CRYBG3: variants seen among roughly 807,000 people sequenced by gnomAD.
The protein encoded by CRYBG3 is crystallin beta-gamma domain containing 3.
CRYBG3 carries 127 observed loss-of-function variants against 244.2 expected under a neutral mutation model. That is an observed-to-expected ratio of 0.52 (90% confidence interval 0.45 to 0.60). CRYBG3 has a LOEUF of 0.60. Among genes scored for constraint, CRYBG3 ranks in the 20% least tolerant of loss-of-function variants. CRYBG3 has a pLI of 0.00. For missense variants in CRYBG3, 3,325 were observed against 3,442.5 expected, an observed-to-expected ratio of 0.97 and a Z score of 0.85; for synonymous variants, 1,132 against 1,195.8, an observed-to-expected ratio of 0.95 and a Z score of 1.10.
chr3:97,839,389 AT>A (rs1024952333), intron 1 of CRYBG3, among the ~76,000 whole-genome samples: 19 of 152,160 alleles, frequency 1.2e-4, no homozygotes, highest in Admixed American at 7.9e-4. Context: ...CTGTGTTCTC[AT>A]TTTTTAATGT....
At chr3:97,841,359 C>A (rs1326491923) in intron 1 of CRYBG3, among the ~76,000 whole-genome samples, 1 of 150,312 alleles carries the variant, frequency 6.7e-6, no homozygotes, top group African/African-American at 2.5e-5. Flanking sequence ...TATGTATATT[C>A]TTTTTCTGTT....
At chr3:97,857,843 TACTC>T (rs1301099416) in intron 2 of CRYBG3, among the ~76,000 whole-genome samples, 28 of 152,250 alleles carry the variant, frequency 1.8e-4, no homozygotes, top group African/African-American at 5.8e-4. Context: ...AATAAGGACT[TACTC>T]TTGTCATTTT....
rs1040300556 is a variant in CRYBG3, at chr3:97,856,783, T to C, written c.217-7434T>C. On this transcript the variant is annotated intron_variant, in intron 2 of 21. Transcript: ENST00000389622. ...CATGTCTCCTTTTTCAATTCTGATT[T>C]TACTTGGGTCTTTTCTTTTTTCTTA... Among the ~76,000 whole-genome samples the C allele has an allele frequency of 2.0e-5, 3 of 152,238 alleles. No individual in the cohort carries two copies. The East Asian group carries it at 5.8e-4, about 29-fold the overall frequency.
intron 2 of CRYBG3, among the ~76,000 whole-genome samples, chr3:97,862,775 A>T (rs2039169264): frequency 7.5e-5 from 3 of 40,022 alleles, no homozygotes; most frequent in African/African-American, 6.4e-4. Context: ...CAGTGTCTCT[A>T]GAATCTGGCT....
rs765635108 is a variant in CRYBG3, at chr3:97,877,808, C to T, written c.6614C>T (p.Thr2205Ile). ...TATGTGATGCCAAATGAACCTACTA[C>T]CTCCAATCTGCAAGTTGGTCTGTGG... ...NSYVMPNEPT[T>I]SNLQVGLWPE... is the part of the protein sequence containing the mutation. Residue 2205 changes from threonine to isoleucine, a missense_variant, in exon 4 of 22, where the codon ACC becomes ATC. By Grantham distance (89) the Thr-to-Ile change is moderately conservative. Around this residue, in one of 4 missense-constraint regions of CRYBG3, gnomAD observed 450 missense variants for 424.1 expected, o/e 1.06. Coordinates refer to ENST00000389622, the MANE Select transcript of CRYBG3 (RefSeq NM_153605.4). The T allele has an allele frequency of 1.4e-5, 22 of 1,614,036 alleles. No individual in the cohort carries two copies. The highest frequency in any genetic ancestry group is 1.1e-5 in the Non-Finnish European group (13 of 1,179,958).
rs1279788982 is a variant in CRYBG3, at chr3:97,876,922, G to C, written c.5728G>C (p.Glu1910Gln). Residue 1910 changes from glutamate (E) to glutamine (Q), a missense_variant, in exon 4 of 22, where the codon GAG (glutamate) becomes CAG (glutamine). Physicochemically the swap from Glu to Gln is conservative, Grantham distance 29. Around this residue, in one of 4 missense-constraint regions of CRYBG3, gnomAD observed 635 missense variants for 771.7 expected, o/e 0.82. Transcript: ENST00000389622. Reference protein sequence around the residue: ...AEGSVEETKEEPTEIKEGLIA... With the variant: ...AEGSVEETKEQPTEIKEGLIA... ...AGGGAGTGTTGAAGAAACAAAGGAA[G>C]AGCCTACAGAAATAAAGGAAGGCTT... 1.3e-5 allele frequency: 19 copies of C among 1,463,372 alleles called. No individual in the cohort carries two copies. Among genetic ancestry groups the C allele is most frequent in the Non-Finnish European group, 1.6e-5 (18 of 1,107,568 alleles). 90.6% of individuals were successfully genotyped at this position (1,463,372 alleles called of 1,614,324 possible). A position where few individuals can be genotyped will look rare whatever the true frequency, so the allele number is the denominator to read the frequency against.
At chr3:97,836,299 T>G (rs1262325732) in intron 1 of CRYBG3, among the ~76,000 whole-genome samples, 4 of 152,112 alleles carry the variant, frequency 2.6e-5, no homozygotes, top group African/African-American at 7.2e-5. Flanking sequence ...ACTGTTTGAG[T>G]GCCTTAAAAT....
intron 18 of CRYBG3, among the ~76,000 whole-genome samples, chr3:97,936,234 A>C (rs1409219007): frequency 6.6e-6 from 1 of 152,064 alleles, no homozygotes; most frequent in Non-Finnish European, 1.5e-5. Context: ...AATGCTGCCA[A>C]AGTTGAAGGC....
chr3:97,937,191 A>G (rs1157573132), intron 19 of CRYBG3, among the ~76,000 whole-genome samples: 1 of 152,128 alleles, frequency 6.6e-6, no homozygotes, highest in Non-Finnish European at 1.5e-5. Context: ...GGTAACAGGA[A>G]TGAACTTTGA....
intron 2 of CRYBG3, among the ~76,000 whole-genome samples, chr3:97,856,999 T>A (rs2039075215): frequency 6.6e-6 from 1 of 152,140 alleles, no homozygotes; most frequent in African/African-American, 2.4e-5. Context: ...TTATTTGAAA[T>A]AATTTTTTTA....
chr3:97,864,875 C>CT (rs374881962), intron 3 of CRYBG3, among the ~76,000 whole-genome samples: 6 of 151,988 alleles, frequency 3.9e-5, no homozygotes, highest in African/African-American at 1.5e-4. Context: ...GTAAAAGATT[C>CT]TTTTTTTCCC....
At chr3:97,845,601 C>G (rs2038889198) in intron 2 of CRYBG3, among the ~76,000 whole-genome samples, 1 of 152,156 alleles carries the variant, frequency 6.6e-6, no homozygotes, top group Admixed American at 6.5e-5. Flanking sequence ...TTGTGTTATG[C>G]CCTGCTCTCT....
chr3:97,934,217 C>A (rs1209311820), intron 18 of CRYBG3, among the ~76,000 whole-genome samples: 1 of 152,026 alleles, frequency 6.6e-6, no homozygotes, highest in African/African-American at 2.4e-5. Flanking sequence ...GCCTGCCTAC[C>A]AGTATTGTTG....
chr3:97,880,147 G>A (rs1386486302), intron 6 of CRYBG3, 47 bp downstream of exon 6: 3 of 950,324 alleles, frequency 3.2e-6, no homozygotes, highest in Non-Finnish European at 4.9e-6. Context: ...TAAATTAAAT[G>A]TGTCTTCTTG....
chr3:97,867,317 T>TTA (rs2039245775), intron 3 of CRYBG3: 2 of 152,322 alleles, frequency 1.3e-5, no homozygotes, highest in East Asian at 3.9e-4. Flanking sequence ...AAGCAACCTG[T>TTA]TATGCTTTGA....
intron 3 of CRYBG3, among the ~76,000 whole-genome samples, chr3:97,868,141 A>G (rs2039257810): frequency 6.6e-6 from 1 of 152,192 alleles, no homozygotes; most frequent in Admixed American, 6.5e-5. Context: ...AAAATTAGCC[A>G]GGCACGGTGG....
chr3:97,886,543 A>G (rs1311858448), intron 7 of CRYBG3, 88 bp from the exon 8 acceptor site: 3 of 886,968 alleles, frequency 3.4e-6, no homozygotes, highest in African/African-American at 3.4e-5. Context: ...CAATAATGAG[A>G]ACAGTGTAAC....
chr3:97,873,882 G>C lies in CRYBG3; in HGVS notation c.2688G>C (p.Glu896Asp). ...CAATTAATCATAATGAGATAGGAGA[G>C]AAATGTTCAGATGCTGGCCTTAAAG... ...FQSINHNEIG[E>D]KCSDAGLKEN... The change falls in exon 4 of 22, where the codon GAG becomes GAC. Residue 896 changes from glutamate (E) to aspartate (D), a missense_variant. This residue lies in a region of CRYBG3 where 1,526 missense variants were observed against 1,443.2 expected (regional missense o/e 1.06). Coordinates refer to ENST00000389622, the MANE Select transcript of CRYBG3 (RefSeq NM_153605.4). 6.5e-7 allele frequency: 1 copy of C among 1,535,918 alleles called. No homozygotes were observed. The highest frequency in any genetic ancestry group is 8.7e-7 in the Non-Finnish European group (1 of 1,146,808).
Position 97,872,999 on chromosome 3 carries a change from G to C in CRYBG3, c.1805G>C (p.Ser602Thr). 1 of 1,535,884 alleles carries C rather than the reference G, an allele frequency of 6.5e-7. No homozygotes were observed. Residue 602 changes from serine (S) to threonine (T), a missense_variant, in exon 4 of 22, where the codon AGC becomes ACC. Transcript: ENST00000389622. The part of the protein sequence containing the change: ...NYISESAVVA[S>T]LGNENAPELK... The stretch of plus-strand genomic sequence containing the variant: ...ATCAGTGAATCAGCAGTTGTAGCAA[G>C]CTTAGGAAATGAAAATGCACCTGAG...
Sources: gnomAD v4.1 joint callset for allele counts (sites outside exome capture counted in the v4.1 genomes callset) on GRCh38, gnomAD v4.1.1 for gene constraint, gnomAD v4.1.1 regional missense constraint, MANE v1.5 for transcripts, NCBI Gene and HGNC (gene_info 2026-07-23, HGNC 2026-07-21) for gene names.